The following DMRT1 variants were observed in gnomAD, a reference collection of about 807,000 sequenced individuals.
DMRT1 encodes the protein doublesex- and mab-3-related transcription factor 1.
In DMRT1, 7 loss-of-function variants were observed where a neutral mutation model predicts 32.3. That is an observed-to-expected ratio of 0.22 (90% CI 0.12 to 0.41). The LOEUF (loss-of-function observed/expected upper bound fraction) is 0.41, where lower values mean the gene tolerates loss of function less well. Among genes scored for constraint, DMRT1 ranks in the 10% least tolerant of loss-of-function variants. DMRT1 has a pLI of 1.00. For missense variants in DMRT1, 625 were observed against 500.5 expected, an observed-to-expected ratio of 1.25 and a Z score of -2.37; for synonymous variants, 278 against 206.1, an observed-to-expected ratio of 1.35 and a Z score of -2.99.
At chr9:939,424 G>T (rs1200365321) in intron 4 of DMRT1, among the ~76,000 whole-genome samples, 1 of 152,150 alleles carries the variant, frequency 6.6e-6, no homozygotes, top group African/African-American at 2.4e-5. Context: ...CTTATGTCAG[G>T]ATATTTCCAA....
intron 3 of DMRT1, among the ~76,000 whole-genome samples, chr9:914,514 C>T (rs565959886): frequency 1.6e-5 from 2 of 125,340 alleles, no homozygotes; most frequent in South Asian, 2.6e-4. Context: ...GCGGAGCTTG[C>T]AATGAGCCAA....
At chr9:861,478 C>T (rs969186115) in intron 2 of DMRT1, among the ~76,000 whole-genome samples, 1 of 152,260 alleles carries the variant, frequency 6.6e-6, no homozygotes, top group African/African-American at 2.4e-5. Flanking sequence ...TCTACACAGA[C>T]ACAATAACAA....
chr9:964,043 G>A (rs1431213838), intron 4 of DMRT1, among the ~76,000 whole-genome samples: 2 of 152,130 alleles, frequency 1.3e-5, no homozygotes, highest in East Asian at 1.9e-4. Context: ...AACATATAGA[G>A]GAAGGAAAAA....
At chr9:851,073 G>T (rs73382571) in intron 2 of DMRT1, among the ~76,000 whole-genome samples, 5 of 150,188 alleles carry the variant, frequency 3.3e-5, no homozygotes, top group Non-Finnish European at 7.4e-5. Flanking sequence ...GGAAGGCTAC[G>T]ATTTGAAGTT....
At chr9:890,991 A>C (rs1422478124) in intron 2 of DMRT1, among the ~76,000 whole-genome samples, 1 of 151,644 alleles carries the variant, frequency 6.6e-6, no homozygotes, top group Non-Finnish European at 1.5e-5. Context: ...TCAGCCTCCC[A>C]AAGTACTGGG....
chr9:854,829 A>G (rs1034394420), intron 2 of DMRT1, among the ~76,000 whole-genome samples: 3 of 99,238 alleles, frequency 3.0e-5, no homozygotes, highest in Non-Finnish European at 4.2e-5. Flanking sequence ...GCAGTGGCAT[A>G]ATCTCGGCTC....
intron 4 of DMRT1, among the ~76,000 whole-genome samples, chr9:932,238 A>G (rs1422243324): frequency 6.6e-6 from 1 of 152,226 alleles, no homozygotes; most frequent in East Asian, 1.9e-4. Context: ...GCCTTTTAAC[A>G]AATGCTCTGC....
intron 4 of DMRT1, among the ~76,000 whole-genome samples, chr9:920,332 G>A (rs1362897298): frequency 1.3e-5 from 2 of 152,196 alleles, no homozygotes; most frequent in East Asian, 1.9e-4. Context: ...GGAAAAGAGG[G>A]AGGAGGAGCA....
chr9:853,156 C>A (rs1005108698), intron 2 of DMRT1, among the ~76,000 whole-genome samples: 1 of 152,010 alleles, frequency 6.6e-6, no homozygotes, highest in Non-Finnish European at 1.5e-5. Flanking sequence ...TTATATACTC[C>A]CTGCCCCAAC....
chr9:964,668 C>A, intron 4 of DMRT1, among the ~76,000 whole-genome samples: 1 of 152,234 alleles, frequency 6.6e-6, no homozygotes, highest in Non-Finnish European at 1.5e-5. Flanking sequence ...CTGGCCCCAA[C>A]TCCCTTCCCC....
At chr9:922,000 C>T (rs1818369173) in intron 4 of DMRT1, among the ~76,000 whole-genome samples, 1 of 152,180 alleles carries the variant, frequency 6.6e-6, no homozygotes, top group Non-Finnish European at 1.5e-5. Context: ...CCCACCTCAG[C>T]CTCCCGGGTA....
At chr9:877,680 G>C (rs548964065) in intron 2 of DMRT1, among the ~76,000 whole-genome samples, 2 of 152,290 alleles carry the variant, frequency 1.3e-5, no homozygotes, top group East Asian at 3.9e-4. Context: ...CTGTGTCTCT[G>C]TTCACTTTCC....
intron 2 of DMRT1, among the ~76,000 whole-genome samples, chr9:863,664 G>C (rs1815828971): frequency 6.6e-6 from 1 of 152,196 alleles, no homozygotes; most frequent in Admixed American, 6.5e-5. Flanking sequence ...ACAGAGACTG[G>C]CGTCAGATTT....
chr9:920,953 G>T (rs1441835663), intron 4 of DMRT1, among the ~76,000 whole-genome samples: 1 of 152,130 alleles, frequency 6.6e-6, no homozygotes, highest in East Asian at 1.9e-4. Flanking sequence ...TGTCTGTTGA[G>T]GTTGATAAAA....
Position 841,877 on chromosome 9 carries a change from G to A in DMRT1, c.39G>A (p.Pro13=). Residue 13 remains proline, a synonymous_variant, in exon 1 of 5, where the codon CCG becomes CCA. Coordinates refer to ENST00000382276, the MANE Select transcript of DMRT1 (RefSeq NM_021951.3). ...NDEAFSKPST[P]SEAPHAPGVP... ...AGGCATTCAGCAAGCCCTCTACACC[G>A]TCGGAAGCCCCTCACGCCCCCGGGG... is the stretch of plus-strand genomic sequence containing the variant. 1 of 1,612,470 alleles carries A rather than the reference G, an allele frequency of 6.2e-7. No homozygotes were observed. Among genetic ancestry groups the A allele is most frequent in the East Asian group, 2.2e-5 (1 of 44,832 alleles).
rs1229916313 is a variant in DMRT1, at chr9:950,025, G to A, written c.968-17960G>A. 2.6e-5 allele frequency among the ~76,000 whole-genome samples: 4 copies of A among 152,138 alleles called. No homozygotes were observed. The East Asian group carries it at 7.7e-4, about 29-fold the overall frequency. On this transcript the variant is annotated intron_variant, in intron 4 of 4. Coordinates refer to ENST00000382276, the MANE Select transcript of DMRT1 (RefSeq NM_021951.3). ...GTGACTAGTGCTGCAGTAAATATGG[G>A]TGTGCAGATACCTTTTCAAGATCCT...
intron 2 of DMRT1, among the ~76,000 whole-genome samples, chr9:875,761 T>A (rs1403106636): frequency 1.3e-5 from 2 of 149,344 alleles, no homozygotes; most frequent in African/African-American, 5.0e-5. Context: ...GACACGTGCA[T>A]GTGTGTGTAT....
At chr9:873,832 C>T (rs146507837) in intron 2 of DMRT1, among the ~76,000 whole-genome samples, 57 of 152,144 alleles carry the variant, frequency 3.7e-4, no homozygotes, top group Non-Finnish European at 7.4e-4. Context: ...AGGGAGAGAA[C>T]AGACAATGCA....
chr9:946,086 ATTAG>A (rs1281837926), intron 4 of DMRT1, among the ~76,000 whole-genome samples: 1 of 151,360 alleles, frequency 6.6e-6, no homozygotes, highest in Non-Finnish European at 1.5e-5. Flanking sequence ...AGCATGGTTT[ATTAG>A]TTAATTTTCT....
Sources: gnomAD v4.1 joint callset for allele counts (sites outside exome capture counted in the v4.1 genomes callset) on GRCh38, gnomAD v4.1.1 for gene constraint, MANE v1.5 for transcripts, NCBI Gene and HGNC (gene_info 2026-07-23, HGNC 2026-07-21) for gene names.